ANKH: variants seen among roughly 807,000 people sequenced by gnomAD.
The protein encoded by ANKH is ANKH inorganic pyrophosphate transport regulator, also known as mineralization regulator ANKH.
In ANKH, 15 loss-of-function variants were observed where a neutral mutation model predicts 49.0. The observed-to-expected ratio is 0.31, with a 90% CI of 0.20 to 0.47. ANKH has a LOEUF of 0.47. ANKH is among the 20% of genes least tolerant of loss of function. The probability of loss-of-function intolerance (pLI) is 1.00; values close to 1 mark genes in which losing one functional copy is unlikely to be tolerated. For missense variants in ANKH, 429 were observed against 652.0 expected, an observed-to-expected ratio of 0.66 and a Z score of 3.72; for synonymous variants, 273 against 260.0, an observed-to-expected ratio of 1.05 and a Z score of -0.48.
chr5:14,748,611 G>C (rs930681922), intron 6 of ANKH, among the ~76,000 whole-genome samples: 5 of 152,232 alleles, frequency 3.3e-5, no homozygotes, highest in Non-Finnish European at 7.3e-5. Context: ...GTTCAATCAA[G>C]GAGCTCCCCA....
rs1305634541 is a variant in ANKH, at chr5:14,771,929, A to G, written c.97-2738T>C. Among the ~76,000 whole-genome samples the G allele has an allele frequency of 4.4e-5, 6 of 135,878 alleles. 1 individual carries two copies. Among genetic ancestry groups the G allele is most frequent in the Non-Finnish European group, 4.9e-5 (3 of 61,084 alleles). The allele number at this position is 135,878 out of a possible 152,430, so 89.1% of individuals were successfully genotyped here. A position where few individuals can be genotyped will look rare whatever the true frequency, so the allele number is the denominator to read the frequency against. ...ACTGTGTCTCAAAAAAAGAAAAAAA[A>G]AAAAAAAAAAAAAAAAAACCAAAAC... On this transcript the variant is annotated intron_variant, in intron 1 of 11. Transcript: ENST00000284268.
chr5:14,758,616 G>T lies in ANKH; in HGVS notation c.314-18C>A, dbSNP rs200278079. On this transcript the variant is annotated intron_variant, in intron 2 of 11. Coordinates refer to ENST00000284268, the MANE Select transcript of ANKH (RefSeq NM_054027.6). ...ACTATAAGCTGCAAAGTGTCGAAAG[G>T]CATATGTGGAAATATTTAGAAAAGG... The T allele has an allele frequency of 1.8e-5, 27 of 1,481,226 alleles. No homozygotes were observed. Among genetic ancestry groups the T allele is most frequent in the Non-Finnish European group, 2.6e-5 (27 of 1,058,778 alleles). The allele number at this position is 1,481,226 out of a possible 1,614,324, so 91.8% of individuals were successfully genotyped here.
At chr5:14,711,579 G>A (rs1041748149) in intron 11 of ANKH, among the ~76,000 whole-genome samples, 4 of 152,144 alleles carry the variant, frequency 2.6e-5, no homozygotes, top group South Asian at 2.1e-4. Flanking sequence ...CAGACAACCC[G>A]CTCCCTGCTG....
chr5:14,717,353 G>A (rs1264100978), intron 8 of ANKH, among the ~76,000 whole-genome samples: 1 of 152,218 alleles, frequency 6.6e-6, no homozygotes, highest in East Asian at 1.9e-4. Context: ...GTCTAGTTAA[G>A]AGAATAAAAG....
At chr5:14,768,817 A>T (rs1160539757) in intron 2 of ANKH, 158 bp downstream of exon 2, 9 of 782,850 alleles carry the variant, frequency 1.1e-5, no homozygotes, top group Non-Finnish European at 1.9e-5. Flanking sequence ...GTCTTAAGCT[A>T]GGAGCACAAG....
intron 1 of ANKH, among the ~76,000 whole-genome samples, chr5:14,785,179 A>G (rs532273405): frequency 2.2e-4 from 34 of 152,330 alleles, no homozygotes; most frequent in Middle Eastern, 6.8e-3. Context: ...CCTCAAAACA[A>G]AAAAGACGAA....
At chr5:14,854,302 AT>A (rs1488844610) in intron 1 of ANKH, among the ~76,000 whole-genome samples, 1 of 152,212 alleles carries the variant, frequency 6.6e-6, no homozygotes, top group Non-Finnish European at 1.5e-5. Flanking sequence ...CAGGCAAGCA[AT>A]TTAAAACATT....
At chr5:14,720,172 T>C (rs920143025) in intron 8 of ANKH, among the ~76,000 whole-genome samples, 2 of 152,218 alleles carry the variant, frequency 1.3e-5, no homozygotes, top group African/African-American at 4.8e-5. Context: ...AATAGAGCCA[T>C]TCCCCTACGT....
chr5:14,793,047 T>TATATATATATAA (rs1209292505), intron 1 of ANKH, among the ~76,000 whole-genome samples: 1,217 of 62,932 alleles, frequency 0.019, 9 homozygotes, highest in South Asian at 0.071. Context: ...AATATATATA[T>TATATATATATAA]AAATATATAT....
At chr5:14,717,614 GACT>G (rs1337959670) in intron 8 of ANKH, among the ~76,000 whole-genome samples, 1 of 152,178 alleles carries the variant, frequency 6.6e-6, no homozygotes, top group African/African-American at 2.4e-5. Flanking sequence ...CGCAGCTGGT[GACT>G]ACATCTCCCC....
At position 14,751,058 on chromosome 5, in the gene ANKH, G is replaced by A; in HGVS notation, c.687+11C>T. ...GTCTCAGACAGACTGCTGTTGGGTT[G>A]GTAGACGTACCCCCAGCTCCGGGCC... On this transcript the variant is annotated intron_variant, in intron 5 of 11. Transcript: ENST00000284268. 1.2e-6 allele frequency: 2 copies of A among 1,614,080 alleles called. No homozygotes were observed. The highest frequency in any genetic ancestry group is 1.7e-5 in the Admixed American group (1 of 60,024).
rs554050931 is a variant in ANKH, at chr5:14,716,397, C to CAGG, written c.1141+306_1141+308dup. Among the ~76,000 whole-genome samples, 16 of 152,120 alleles carry CAGG rather than the reference C, an allele frequency of 1.1e-4. 1 individual carries two copies. The highest frequency in any genetic ancestry group is 1.0e-3 in the Admixed American group (16 of 15,272). The stretch of plus-strand genomic sequence containing the variant: ...AGTCCCAGCTACTTGGGAGGCTGAA[C>CAGG]AGGAGAAGTGCTTGAACCCGGGAGG... On this transcript the variant is annotated intron_variant, in intron 9 of 11. Coordinates refer to ENST00000284268, the MANE Select transcript of ANKH (RefSeq NM_054027.6).
intron 1 of ANKH, among the ~76,000 whole-genome samples, chr5:14,791,245 A>T (rs943105303): frequency 6.6e-6 from 1 of 152,034 alleles, no homozygotes; most frequent in African/African-American, 2.4e-5. Flanking sequence ...GAAGAACCTT[A>T]ACTCTGGGGT....
At chr5:14,792,430 G>A (rs12153088) in intron 1 of ANKH, among the ~76,000 whole-genome samples, 20,640 of 152,180 alleles carry the variant, frequency 0.14, 1,813 homozygotes, top group Middle Eastern at 0.24. Flanking sequence ...ACAGGAGGGT[G>A]AAAGCCAACA....
At chr5:14,855,848 G>GAAAAAAAAAAAAAAAAA (rs796584176) in intron 1 of ANKH, among the ~76,000 whole-genome samples, 2 of 119,902 alleles carry the variant, frequency 1.7e-5, no homozygotes. Context: ...AAAAGAAAAA[G>GAAAAAAAAAAAAAAAAA]AAAAAAAAAA....
chr5:14,821,135 C>T (rs1418838598), intron 1 of ANKH, among the ~76,000 whole-genome samples: 1 of 151,322 alleles, frequency 6.6e-6, no homozygotes, highest in African/African-American at 2.4e-5. Context: ...AACTTCAAAA[C>T]ATGCCAAGAC....
intron 1 of ANKH, among the ~76,000 whole-genome samples, chr5:14,836,655 G>A (rs1741662769): frequency 6.6e-6 from 1 of 152,156 alleles, no homozygotes. Flanking sequence ...CATGCTCATG[G>A]ATAGGAAGAA....
At chr5:14,711,488 T>G (rs983837279) in intron 11 of ANKH, among the ~76,000 whole-genome samples, 178 bp from the exon 12 acceptor site, 4 of 152,144 alleles carry the variant, frequency 2.6e-5, no homozygotes, top group Admixed American at 2.0e-4. Flanking sequence ...CCTTGCAGTT[T>G]GGTTGTCTGT....
chr5:14,718,125 C>A (rs1247707954), intron 8 of ANKH, among the ~76,000 whole-genome samples: 1 of 152,184 alleles, frequency 6.6e-6, no homozygotes, highest in Admixed American at 6.5e-5. Flanking sequence ...AAATTAGAGT[C>A]TCCCAATGAA....
Sources: allele counts gnomAD v4.1 joint callset (sites outside exome capture counted in the v4.1 genomes callset), GRCh38; gene constraint gnomAD v4.1.1; transcripts MANE v1.5; gene names NCBI Gene and HGNC (gene_info 2026-07-23, HGNC 2026-07-21).